Variants in CFAP70 observed in about 807,000 individuals in gnomAD.
CFAP70 encodes cilia and flagella associated protein 70, also known as cilia- and flagella-associated protein 70.
CFAP70 carries 81 observed loss-of-function variants against 137.6 expected under a neutral mutation model. The observed-to-expected ratio is 0.59, with a 90% CI of 0.49 to 0.71. CFAP70 has a LOEUF of 0.71. Ranked by LOEUF, CFAP70 falls within the 30% of genes least tolerant of loss-of-function variation. CFAP70 has a pLI of 0.00. For synonymous variants in CFAP70, 382 were observed against 423.6 expected, an observed-to-expected ratio of 0.90 and a Z score of 1.20; for missense variants, 976 against 1,226.7, an observed-to-expected ratio of 0.80 and a Z score of 3.05.
chr10:73,354,915 G>C, intron 1 of CFAP70, 80 bp from the exon 2 acceptor site: 2 of 822,576 alleles, frequency 2.4e-6, no homozygotes, highest in Middle Eastern at 2.2e-4. Flanking sequence ...ACCAATACCA[G>C]GGAAAACCTA....
At chr10:73,359,819 A>G (rs1273135305), upstream of CFAP70, among the ~76,000 whole-genome samples, 2 of 152,068 alleles carry the variant, frequency 1.3e-5, no homozygotes, top group Admixed American at 6.5e-5. Context: ...GACGCAACCA[A>G]CATGATCAGG....
intron 19 of CFAP70, among the ~76,000 whole-genome samples, chr10:73,284,788 ATATATATATATATAT>A: frequency 1.5e-5 from 1 of 66,392 alleles, no homozygotes; most frequent in African/African-American, 6.5e-5. Flanking sequence ...ATATATATAT[ATATATATATATATAT>A]AAAAGTTGTT....
At chr10:73,320,225 T>C (rs2050731374) in intron 9 of CFAP70, among the ~76,000 whole-genome samples, 1 of 152,324 alleles carries the variant, frequency 6.6e-6, no homozygotes, top group Admixed American at 6.5e-5. Context: ...TTAATATTCA[T>C]TTTTATAGTC....
At chr10:73,353,771 T>C in intron 2 of CFAP70, 29 bp from the exon 3 acceptor site, 1 of 1,600,648 alleles carries the variant, frequency 6.2e-7, no homozygotes, top group Non-Finnish European at 8.5e-7. Context: ...CACTTTACAA[T>C]TATATTCAAA....
At chr10:73,308,462 C>G (rs911186969) in intron 12 of CFAP70, among the ~76,000 whole-genome samples, 1 of 151,884 alleles carries the variant, frequency 6.6e-6, no homozygotes, top group Admixed American at 6.6e-5. Flanking sequence ...AACCCCGTCT[C>G]TATTAAAAAT....
chr10:73,324,277 T>C (rs1276274670), intron 8 of CFAP70, among the ~76,000 whole-genome samples: 3 of 152,264 alleles, frequency 2.0e-5, no homozygotes, highest in Non-Finnish European at 2.9e-5. Context: ...CTGAGGGTCC[T>C]GTCTGTTAGA....
chr10:73,310,839 C>T (rs1182599708), intron 11 of CFAP70, among the ~76,000 whole-genome samples: 2 of 152,136 alleles, frequency 1.3e-5, no homozygotes, highest in African/African-American at 4.8e-5. Context: ...CATCAATACC[C>T]CCAAAGCTTC....
chr10:73,353,227 G>C (rs1021739371), intron 3 of CFAP70, among the ~76,000 whole-genome samples: 3 of 152,148 alleles, frequency 2.0e-5, no homozygotes, highest in Non-Finnish European at 4.4e-5. Context: ...GTCTTAACTT[G>C]TGATGGGGAG....
intron 22 of CFAP70, 53 bp from the exon 24 acceptor site, chr10:73,274,647 C>A (rs899495342): frequency 9.7e-6 from 14 of 1,437,750 alleles, no homozygotes; most frequent in South Asian, 4.1e-5. Flanking sequence ...TTTAAAAGTA[C>A]CTTGATGATC....
At chr10:73,331,342 A>G in intron 7 of CFAP70, 66 bp from the exon 9 acceptor site, 1 of 1,334,876 alleles carries the variant, frequency 7.5e-7, no homozygotes, top group Non-Finnish European at 1.0e-6. Flanking sequence ...TTTAGGTTAA[A>G]GGGAAATATT....
At chr10:73,298,885 A>T (rs772469425) in intron 14 of CFAP70, 22 bp downstream of exon 15, 14 of 1,610,276 alleles carry the variant, frequency 8.7e-6, no homozygotes, top group Non-Finnish European at 8.5e-7. Context: ...CCATGGAGTA[A>T]TTAAACAAGT....
At chr10:73,279,560 A>T (rs994291624) in intron 19 of CFAP70, among the ~76,000 whole-genome samples, 1 of 142,014 alleles carries the variant, frequency 7.0e-6, no homozygotes, top group Non-Finnish European at 1.5e-5. Context: ...TAAATAAATA[A>T]ATAAATAAAT....
chr10:73,351,011 GTGTGTGTA>G (rs1564889247), intron 3 of CFAP70, among the ~76,000 whole-genome samples: 3 of 144,820 alleles, frequency 2.1e-5, no homozygotes, highest in African/African-American at 7.7e-5. Flanking sequence ...ATGTGTGTAT[GTGTGTGTA>G]TATATATGTG....
chr10:73,327,407 C>A (rs185400019), intron 8 of CFAP70, among the ~76,000 whole-genome samples: 7,654 of 132,308 alleles, frequency 0.058, 323 homozygotes, highest in East Asian at 0.18. Context: ...AACTGGAAGC[C>A]TTCCCTTTGA....
chr10:73,274,315 T>C (rs2046534438), intron 23 of CFAP70, 118 bp downstream of exon 24: 16 of 1,195,860 alleles, frequency 1.3e-5, no homozygotes, highest in Admixed American at 2.7e-5. Flanking sequence ...CACTTTACCT[T>C]TGGATGTAAA....
chr10:73,357,792 C>T (rs1354499565), intron 1 of CFAP70, among the ~76,000 whole-genome samples: 1 of 152,242 alleles, frequency 6.6e-6, no homozygotes, highest in African/African-American at 2.4e-5. Context: ...TTTCTCCTCA[C>T]TCCGTCTCTA....
chr10:73,354,805 C>T lies in CFAP70; in HGVS notation c.-9G>A, dbSNP rs368298628. On this transcript the variant is annotated 5_prime_UTR_variant, in exon 2 of 27. Transcript: ENST00000310715. ...GATGGCACTTGCTCCATATCACCAA[C>T]TGGGAAAAGTCCCTCTGTTTTCTTT... 1.9e-6 allele frequency: 3 copies of T among 1,613,558 alleles called. No individual in the cohort carries two copies. In the African/African-American group the frequency reaches 4.0e-5, roughly 22 times the overall value.
chr10:73,255,357 T>C (rs2044379502), intron 26 of CFAP70, among the ~76,000 whole-genome samples: 1 of 152,000 alleles, frequency 6.6e-6, no homozygotes, highest in Non-Finnish European at 1.5e-5. Context: ...ATTGCGCCAC[T>C]GCACTCCAGC....
At chr10:73,266,531 C>T (rs2045787695) in intron 25 of CFAP70, among the ~76,000 whole-genome samples, 1 of 152,068 alleles carries the variant, frequency 6.6e-6, no homozygotes, top group Non-Finnish European at 1.5e-5. Flanking sequence ...ATAACATTTT[C>T]CTTATCTTGT....
Sources: gnomAD v4.1 joint callset for allele counts (sites outside exome capture counted in the v4.1 genomes callset) on GRCh38, gnomAD v4.1.1 for gene constraint, MANE v1.5 for transcripts, NCBI Gene and HGNC (gene_info 2026-07-23, HGNC 2026-07-21) for gene names.